Variants in SLC24A2 observed in about 807,000 individuals in gnomAD.
SLC24A2 encodes the protein sodium/potassium/calcium exchanger 2.
SLC24A2 carries 36 observed loss-of-function variants against 62.0 expected under a neutral mutation model. That is an observed-to-expected ratio of 0.58 (90% CI 0.44 to 0.77). The LOEUF (loss-of-function observed/expected upper bound fraction) is 0.77. SLC24A2 is among the 30% of genes least tolerant of loss of function. The pLI, the probability that SLC24A2 is intolerant of heterozygous loss-of-function variation, is 0.00. For synonymous variants in SLC24A2, 358 were observed against 294.0 expected, an observed-to-expected ratio of 1.22 and a Z score of -2.23; for missense variants, 846 against 817.9, an observed-to-expected ratio of 1.03 and a Z score of -0.42.
chr9:19,532,104 CAG>C (rs1833736440), intron 8 of SLC24A2, among the ~76,000 whole-genome samples: 1 of 152,006 alleles, frequency 6.6e-6, no homozygotes, highest in African/African-American at 2.4e-5. Context: ...GTTTGTTTGA[CAG>C]AGTTTCCCTG....
At chr9:19,797,166 T>C in the SLC24A2 span, among the ~76,000 whole-genome samples, 1 of 152,234 alleles carries the variant, frequency 6.6e-6, no homozygotes, top group Non-Finnish European at 1.5e-5. Flanking sequence ...GTAGCTTCTC[T>C]TATGTCTCTG....
the SLC24A2 span, among the ~76,000 whole-genome samples, chr9:19,797,870 T>C: frequency 2.6e-5 from 4 of 152,206 alleles, no homozygotes; most frequent in Admixed American, 2.0e-4. Flanking sequence ...TTTGCAGATA[T>C]AACTGCACCT....
At chr9:19,572,706 C>A (rs731407) in intron 7 of SLC24A2, among the ~76,000 whole-genome samples, 31,921 of 152,044 alleles carry the variant, frequency 0.21, 4,320 homozygotes, top group African/African-American at 0.38. Flanking sequence ...GGACTAATAC[C>A]TATGTAAAAT....
chr9:20,222,724 G>C, the SLC24A2 span, among the ~76,000 whole-genome samples: 1 of 152,054 alleles, frequency 6.6e-6, no homozygotes, highest in Non-Finnish European at 1.5e-5. Flanking sequence ...AAGGAGATTA[G>C]TATATAATTA....
intron 6 of SLC24A2, among the ~76,000 whole-genome samples, chr9:19,573,695 G>A (rs562702677): frequency 3.3e-5 from 5 of 152,182 alleles, no homozygotes; most frequent in East Asian, 3.9e-4. Context: ...GATTTTTACC[G>A]TTCTTCCCCA....
At chr9:20,094,386 G>A in the SLC24A2 span, among the ~76,000 whole-genome samples, 1 of 152,250 alleles carries the variant, frequency 6.6e-6, no homozygotes, top group South Asian at 2.1e-4. Flanking sequence ...AACTAAATGA[G>A]CCTGTCACTA....
At chr9:20,216,452 C>A in the SLC24A2 span, among the ~76,000 whole-genome samples, 5 of 152,230 alleles carry the variant, frequency 3.3e-5, no homozygotes, top group Admixed American at 3.3e-4. Flanking sequence ...AAATCTAGGA[C>A]CCCATTAGGT....
At chr9:19,679,777 G>C (rs1819661875) in intron 2 of SLC24A2, among the ~76,000 whole-genome samples, 1 of 151,840 alleles carries the variant, frequency 6.6e-6, no homozygotes. Flanking sequence ...TGGCAAAACT[G>C]GGATCTCTCA....
the SLC24A2 span, among the ~76,000 whole-genome samples, chr9:19,893,823 T>A: frequency 5.3e-5 from 8 of 152,124 alleles, no homozygotes; most frequent in South Asian, 2.1e-4. Context: ...GGCTTCCCAA[T>A]TGTCAAATTG....
At chr9:20,109,300 C>T in the SLC24A2 span, among the ~76,000 whole-genome samples, 2 of 152,180 alleles carry the variant, frequency 1.3e-5, no homozygotes, top group Admixed American at 1.3e-4. Context: ...AAAAAATTAA[C>T]ATAGCAAGCC....
the SLC24A2 span, among the ~76,000 whole-genome samples, chr9:19,920,821 G>A: frequency 6.6e-6 from 1 of 152,198 alleles, no homozygotes; most frequent in East Asian, 1.9e-4. Context: ...TCGATCGGGA[G>A]CCGGATGTGA....
chr9:20,021,773 T>A, the SLC24A2 span, among the ~76,000 whole-genome samples: 1 of 152,084 alleles, frequency 6.6e-6, no homozygotes, highest in Non-Finnish European at 1.5e-5. Context: ...TTACTTATTT[T>A]ACATCTAGTA....
intron 10 of SLC24A2, among the ~76,000 whole-genome samples, chr9:19,517,556 C>G (rs1366306695): frequency 6.6e-6 from 1 of 152,152 alleles, no homozygotes; most frequent in Non-Finnish European, 1.5e-5. Flanking sequence ...CTGGTACATG[C>G]AGCCCCTAAC....
chr9:20,234,919 T>C, the SLC24A2 span, among the ~76,000 whole-genome samples: 2 of 152,228 alleles, frequency 1.3e-5, no homozygotes, highest in South Asian at 4.1e-4. Context: ...GGATGTCCTT[T>C]CTGTTTGTTC....
the SLC24A2 span, among the ~76,000 whole-genome samples, chr9:20,265,252 G>A: frequency 3.3e-5 from 5 of 152,194 alleles, no homozygotes; most frequent in Non-Finnish European, 7.3e-5. Flanking sequence ...TGGATTCCTG[G>A]TAAAGGCAGG....
At chr9:19,626,987 A>G (rs1416520321) in intron 2 of SLC24A2, among the ~76,000 whole-genome samples, 3 of 152,210 alleles carry the variant, frequency 2.0e-5, no homozygotes, top group Non-Finnish European at 4.4e-5. Flanking sequence ...TTGTCTTAAC[A>G]TAGTCCCTAA....
chr9:19,870,009 T>C, the SLC24A2 span, among the ~76,000 whole-genome samples: 167 of 152,318 alleles, frequency 1.1e-3, no homozygotes, highest in African/African-American at 3.9e-3. Context: ...TAGAAGGAGA[T>C]AATTTTAAAA....
At chr9:19,664,257 A>T (rs983785916) in intron 2 of SLC24A2, among the ~76,000 whole-genome samples, 1 of 152,242 alleles carries the variant, frequency 6.6e-6, no homozygotes, top group Non-Finnish European at 1.5e-5. Context: ...TCTTTGTTTC[A>T]CAACGGCTTT....
intron 7 of SLC24A2, among the ~76,000 whole-genome samples, chr9:19,572,397 G>A (rs1835863395): frequency 6.6e-6 from 1 of 151,968 alleles, no homozygotes; most frequent in South Asian, 2.1e-4. Flanking sequence ...ATCCCCATAT[G>A]TTGCGGGGAG....
Sources: allele counts gnomAD v4.1 joint callset (sites outside exome capture counted in the v4.1 genomes callset), GRCh38; gene constraint gnomAD v4.1.1; transcripts MANE v1.5; gene names NCBI Gene and HGNC (gene_info 2026-07-23, HGNC 2026-07-21).